Variants in KIAA1549L observed in about 807,000 individuals in gnomAD.
The protein encoded by KIAA1549L is KIAA1549 like, also known as UPF0606 protein KIAA1549L.
A neutral mutation model predicts 160.7 loss-of-function variants in KIAA1549L; 88 were observed. The ratio of observed to expected loss-of-function variants is 0.55; its 90% CI spans 0.46 to 0.65. KIAA1549L has a LOEUF of 0.65. Ranked by LOEUF, KIAA1549L falls within the 30% of genes least tolerant of loss-of-function variation. The pLI, the probability that KIAA1549L is intolerant of heterozygous loss-of-function variation, is 0.00. For missense variants in KIAA1549L, 2,258 were observed against 2,437.5 expected (o/e 0.93, Z 1.55); for synonymous variants, 950 against 976.7 (o/e 0.97, Z 0.51).
At position 33,388,562 on chromosome 11, in the gene KIAA1549L, A is replaced by AT. The variant is rs112305602; in HGVS notation, c.238+11682dup. ...TATCCATAGACGTAGCCTCAACTTA[A>AT]TTTTTTTTTAAGATATAAAAGGTAT... On this transcript the variant is annotated intron_variant, in intron 1 of 20. Coordinates refer to ENST00000658780, the MANE Select transcript of KIAA1549L (RefSeq NM_012194.3). Among the ~76,000 whole-genome samples the AT allele has an allele frequency of 1.1e-3, 165 of 151,782 alleles. 1 individual carries two copies. The highest frequency in any genetic ancestry group is 3.6e-3 in the African/African-American group (151 of 41,374).
At chr11:33,409,516 A>G (rs957349046) in intron 1 of KIAA1549L, among the ~76,000 whole-genome samples, 6 of 152,094 alleles carry the variant, frequency 3.9e-5, no homozygotes, top group African/African-American at 1.4e-4. Flanking sequence ...CATTAAGGGT[A>G]GGCTTTAATG....
At chr11:33,496,919 T>C (rs889919996) in intron 1 of KIAA1549L, among the ~76,000 whole-genome samples, 1 of 152,192 alleles carries the variant, frequency 6.6e-6, no homozygotes, top group Non-Finnish European at 1.5e-5. Context: ...AACTTTCTTT[T>C]GGTTTCTTAA....
At chr11:33,465,046 CTTTTTTTT>C (rs1008261470) in intron 1 of KIAA1549L, among the ~76,000 whole-genome samples, 2,239 of 78,890 alleles carry the variant, frequency 0.028, 26 homozygotes, top group South Asian at 0.12. Flanking sequence ...GGACCTTCTT[CTTTTTTTT>C]TTTTTTTTTT....
At chr11:33,405,344 G>A (rs575191754) in intron 1 of KIAA1549L, among the ~76,000 whole-genome samples, 11 of 152,136 alleles carry the variant, frequency 7.2e-5, no homozygotes, top group African/African-American at 1.9e-4. Flanking sequence ...GTTGTGTAGC[G>A]AGATAACAAA....
rs1032659635 is a variant in KIAA1549L at position 33,668,892 on chromosome 11, A to T, written c.*738A>T. On this transcript the variant is annotated 3_prime_UTR_variant, in exon 21 of 21. Coordinates refer to ENST00000658780, the MANE Select transcript of KIAA1549L (RefSeq NM_012194.3). Reference sequence around the variant, plus strand: ...AAATAAAAGTCCCCTACAAGTTAGGATCTAACTGAAAGAGAATCGGTGCTA... The same window carrying T: ...AAATAAAAGTCCCCTACAAGTTAGGTTCTAACTGAAAGAGAATCGGTGCTA... The T allele has an allele frequency of 6.6e-6, 1 of 152,250 alleles. No individual in the cohort carries two copies. The highest frequency in any genetic ancestry group is 1.5e-5 in the Non-Finnish European group (1 of 68,048). 9.4% of individuals were successfully genotyped at this position (152,250 alleles called of 1,614,324 possible). A position where few individuals can be genotyped will look rare whatever the true frequency, so the allele number is the denominator to read the frequency against.
Position 33,515,433 on chromosome 11 carries a change from G to A in KIAA1549L, c.239-26369G>A, listed in dbSNP as rs538917649. Among the ~76,000 whole-genome samples the A allele has an allele frequency of 3.9e-5, 6 of 152,308 alleles. No homozygotes were observed. In the South Asian group the frequency reaches 8.3e-4, roughly 21 times the overall value. On this transcript the variant is annotated intron_variant, in intron 1 of 20. Coordinates refer to ENST00000658780, the MANE Select transcript of KIAA1549L (RefSeq NM_012194.3). ...AAAATCCAACTAGTTCAAGTTGGAC[G>A]AGTTATCCATTTCTGGTCCAAGCAT...
In KIAA1549L at chr11:33,543,238, C is replaced by G. The variant is rs762258815; in HGVS notation, c.1675C>G (p.Arg559Gly). 1 of 1,614,000 alleles carries G rather than the reference C, an allele frequency of 6.2e-7. No homozygotes were observed. Among genetic ancestry groups the G allele is most frequent in the South Asian group, 1.1e-5 (1 of 91,088 alleles). ...NLLSTSWTFP[R>G]WKKDSVTAIL... is the part of the protein sequence containing the mutation. ...TCTTTCCACATCTTGGACATTTCCC[C>G]GGTGGAAAAAGGACAGTGTGACAGC... The change falls in exon 2 of 21, where the codon CGG (arginine) becomes GGG (glycine). Residue 559 changes from arginine to glycine, a missense_variant. Transcript: ENST00000658780.
intron 20 of KIAA1549L, among the ~76,000 whole-genome samples, chr11:33,661,414 G>A (rs1852255775): frequency 6.6e-6 from 1 of 152,190 alleles, no homozygotes; most frequent in Non-Finnish European, 1.5e-5. Context: ...GAGGAAATCA[G>A]GGCCGAGTCA....
intron 15 of KIAA1549L, among the ~76,000 whole-genome samples, chr11:33,617,646 A>G (rs570607128): frequency 3.9e-5 from 6 of 152,304 alleles, no homozygotes; most frequent in African/African-American, 1.2e-4. Flanking sequence ...CTCTGAAATT[A>G]CCATGTTAAT....
At chr11:33,529,139 C>T (rs1256497651) in intron 1 of KIAA1549L, among the ~76,000 whole-genome samples, 1 of 152,032 alleles carries the variant, frequency 6.6e-6, no homozygotes, top group Non-Finnish European at 1.5e-5. Flanking sequence ...AATTTGAGAC[C>T]AGCCTGGCCA....
intron 6 of KIAA1549L, 41 bp from the exon 7 acceptor site, chr11:33,559,708 T>C (rs1251749413): frequency 5.0e-6 from 8 of 1,586,300 alleles, no homozygotes; most frequent in South Asian, 1.1e-5. Flanking sequence ...CCTGGTCTTA[T>C]TTGGCCTGTC....
chr11:33,443,739 A>AG (rs1554978011), intron 1 of KIAA1549L, among the ~76,000 whole-genome samples: 30 of 151,998 alleles, frequency 2.0e-4, no homozygotes, highest in African/African-American at 7.3e-4. Flanking sequence ...GAAAAAAAAA[A>AG]CAAATATATT....
chr11:33,407,333 C>T (rs911496071), intron 1 of KIAA1549L, among the ~76,000 whole-genome samples: 3 of 151,094 alleles, frequency 2.0e-5, no homozygotes, highest in African/African-American at 7.3e-5. Context: ...ATCCGCCCGC[C>T]TCGGCAGTCC....
intron 1 of KIAA1549L, among the ~76,000 whole-genome samples, chr11:33,473,695 T>G (rs1333568627): frequency 6.6e-6 from 1 of 152,176 alleles, no homozygotes; most frequent in Non-Finnish European, 1.5e-5. Flanking sequence ...CATATTAGAT[T>G]AGTCCCCATT....
chr11:33,586,281 C>G (rs1350620266), intron 11 of KIAA1549L, among the ~76,000 whole-genome samples: 2 of 152,208 alleles, frequency 1.3e-5, no homozygotes, highest in African/African-American at 2.4e-5. Context: ...CAGTAATAAA[C>G]TTAACATGCT....
chr11:33,639,233 C>T (rs10836088), intron 16 of KIAA1549L, among the ~76,000 whole-genome samples: 90,181 of 152,042 alleles, frequency 0.59, 26,819 homozygotes, highest in East Asian at 0.71. Context: ...AGGATGAAGT[C>T]GTGGGTACTT....
intron 16 of KIAA1549L, among the ~76,000 whole-genome samples, chr11:33,632,816 G>C (rs1310118349): frequency 6.6e-6 from 1 of 151,960 alleles, no homozygotes; most frequent in Non-Finnish European, 1.5e-5. Flanking sequence ...GGCTGGCCTA[G>C]AACTCCTGGC....
chr11:33,584,001 T>C (rs1274582614), intron 11 of KIAA1549L, among the ~76,000 whole-genome samples: 4 of 152,166 alleles, frequency 2.6e-5, no homozygotes, highest in Non-Finnish European at 5.9e-5. Flanking sequence ...TATTAGGAGA[T>C]AGGGCCTTTG....
intron 16 of KIAA1549L, among the ~76,000 whole-genome samples, chr11:33,628,231 T>G (rs1279911274): frequency 6.6e-6 from 1 of 152,130 alleles, no homozygotes; most frequent in East Asian, 1.9e-4. Flanking sequence ...GGAATAGGTG[T>G]GGTGTGGTGG....
Sources: allele counts gnomAD v4.1 joint callset (sites outside exome capture counted in the v4.1 genomes callset), GRCh38; gene constraint gnomAD v4.1.1; transcripts MANE v1.5; gene names NCBI Gene and HGNC (gene_info 2026-07-23, HGNC 2026-07-21).